DNAAF10: variants seen among roughly 807,000 people sequenced by gnomAD.
DNAAF10 encodes the protein WD repeat domain 92.
In DNAAF10, 28 loss-of-function variants were observed where a neutral mutation model predicts 43.7. The observed-to-expected ratio is 0.64, with a 90% confidence interval of 0.48 to 0.88. The LOEUF (loss-of-function observed/expected upper bound fraction) is 0.88, where lower values mean the gene tolerates loss of function less well. DNAAF10 is among the 40% of genes least tolerant of loss of function. DNAAF10 has a pLI of 0.00. For synonymous variants in DNAAF10, 156 were observed against 157.3 expected, an observed-to-expected ratio of 0.99 and a Z score of 0.06; for missense variants, 403 against 439.1, an observed-to-expected ratio of 0.92 and a Z score of 0.73.
chr2:68,153,692 A>C (rs929887183), intron 1 of DNAAF10, among the ~76,000 whole-genome samples: 1 of 151,638 alleles, frequency 6.6e-6, no homozygotes, highest in Non-Finnish European at 1.5e-5. Flanking sequence ...CCAGTATTTA[A>C]CCTATATTTA....
At chr2:68,155,701 A>G (rs1673582089) in intron 1 of DNAAF10, among the ~76,000 whole-genome samples, 1 of 152,030 alleles carries the variant, frequency 6.6e-6, no homozygotes, top group Non-Finnish European at 1.5e-5. Flanking sequence ...AACAACAACA[A>G]CAAAAAACAA....
intron 1 of DNAAF10, 50 bp downstream of exon 1, chr2:68,157,211 G>A (rs1384276404): frequency 1.9e-6 from 3 of 1,573,730 alleles, no homozygotes; most frequent in East Asian, 2.2e-5. Context: ...CAGACCCCAG[G>A]ATCCGCACTC....
intron 4 of DNAAF10, among the ~76,000 whole-genome samples, chr2:68,141,348 C>T (rs998097748): frequency 9.2e-5 from 14 of 152,170 alleles, no homozygotes; most frequent in African/African-American, 2.7e-4. Flanking sequence ...TAAACAGGAA[C>T]ACATAATAAT....
rs746998972 is a variant in DNAAF10, at chr2:68,147,558, C to A, written c.193G>T (p.Ala65Ser). 3.1e-6 allele frequency: 5 copies of A among 1,608,756 alleles called. No homozygotes were observed. In the South Asian group the frequency reaches 4.4e-5, roughly 14 times the overall value. ...DLKLLREIEK[A>S]KPIKCGTFGA... The stretch of plus-strand genomic sequence containing the variant: ...AATGTTCCACATTTAATAGGTTTGG[C>A]CTTTTCAATCTTCATAGAAGGGAGG... Residue 65 changes from alanine to serine, a missense_variant, in exon 2 of 8, where the codon GCC becomes TCC. Ala to Ser is a moderately conservative substitution (Grantham distance 99). Coordinates refer to ENST00000295121, the MANE Select transcript of DNAAF10 (RefSeq NM_138458.4).
At chr2:68,151,508 T>G (rs1009192932) in intron 1 of DNAAF10, among the ~76,000 whole-genome samples, 6 of 152,186 alleles carry the variant, frequency 3.9e-5, no homozygotes, top group African/African-American at 1.4e-4. Context: ...CAAAATTATT[T>G]TATTCATGCA....
At chr2:68,151,324 C>G (rs1320321814) in intron 1 of DNAAF10, among the ~76,000 whole-genome samples, 1 of 152,158 alleles carries the variant, frequency 6.6e-6, no homozygotes, top group Non-Finnish European at 1.5e-5. Flanking sequence ...TTTGAATTTG[C>G]TGTTCCCACT....
In DNAAF10 at chr2:68,146,519, C is replaced by T. The variant is rs532403536; in HGVS notation, c.284+948G>A. ...ATGGTACTATCTAATATTTTGAATA[C>T]TCTTGTGTTGAAATATATTTATTTT... On this transcript the variant is annotated intron_variant, in intron 2 of 7. Transcript: ENST00000295121. 1.6e-3 allele frequency among the ~76,000 whole-genome samples: 239 copies of T among 152,234 alleles called. 2 individuals carry two copies. Among genetic ancestry groups the T allele is most frequent in the Non-Finnish European group, 2.9e-3 (194 of 67,996 alleles).
Position 68,141,784 on chromosome 2 carries a change from C to G in DNAAF10, c.427G>C (p.Val143Leu). The G allele has an allele frequency of 6.2e-7, 1 of 1,614,126 alleles. No homozygotes were observed. The highest frequency in any genetic ancestry group is 2.2e-5 in the East Asian group (1 of 44,890). The change falls in exon 4 of 8, where the codon GTG becomes CTG. Residue 143 changes from valine (V) to leucine (L), a missense_variant. Val to Leu is a conservative substitution (Grantham distance 32). Coordinates refer to ENST00000295121, the MANE Select transcript of DNAAF10 (RefSeq NM_138458.4). ...VTGSRDGTVK[V>L]WDPRQKDDPV... ...TCATCTTTTTGCCTTGGGTCCCACA[C>G]CTTCACAGTTCCTGCCATGCATAAA... is the stretch of plus-strand genomic sequence containing the variant.
At chr2:68,157,064 G>C (rs917045206) in intron 1 of DNAAF10, 197 bp downstream of exon 1, 135 of 773,084 alleles carry the variant, frequency 1.7e-4, no homozygotes, top group Non-Finnish European at 3.2e-5. Flanking sequence ...GGTTGGGCGC[G>C]GAGGAACTAC....
In DNAAF10 at chr2:68,131,140, G is replaced by T; in HGVS notation, c.*98C>A. 2.5e-6 allele frequency: 3 copies of T among 1,203,882 alleles called. No homozygotes were observed. Among genetic ancestry groups the T allele is most frequent in the African/African-American group, 1.5e-5 (1 of 66,090 alleles). 74.6% of individuals were successfully genotyped at this position (1,203,882 alleles called of 1,614,324 possible). On this transcript the variant is annotated 3_prime_UTR_variant, in exon 8 of 8. Coordinates refer to ENST00000295121, the MANE Select transcript of DNAAF10 (RefSeq NM_138458.4). ...TCACCATGTTAGCCAGGATGGTCTC[G>T]ATCTCCTGACCTTCTGATCCACCCG...
chr2:68,155,610 T>C (rs1673577685), intron 1 of DNAAF10, among the ~76,000 whole-genome samples: 1 of 152,118 alleles, frequency 6.6e-6, no homozygotes, highest in Admixed American at 6.5e-5. Context: ...GGAGGATGGT[T>C]TGAGCCCAGG....
chr2:68,134,508 G>T, intron 7 of DNAAF10, 194 bp downstream of exon 7: 1 of 1,410,640 alleles, frequency 7.1e-7, no homozygotes, highest in African/African-American at 1.5e-5. Flanking sequence ...AAGAAGATTA[G>T]TGTACACTCT....
At chr2:68,131,639 T>C (rs1416522801) in intron 7 of DNAAF10, 194 bp from the exon 8 acceptor site, 1 of 575,950 alleles carries the variant, frequency 1.7e-6, no homozygotes, top group Non-Finnish European at 3.0e-6. Context: ...AAACACGTCA[T>C]AAAAAAGGGT....
chr2:68,136,800 CA>C, intron 6 of DNAAF10, among the ~76,000 whole-genome samples: 1 of 152,120 alleles, frequency 6.6e-6, no homozygotes, highest in Non-Finnish European at 1.5e-5. Flanking sequence ...TCAGCTACCT[CA>C]AATGCAAGGC....
chr2:68,130,259 T>C lies in DNAAF10; in HGVS notation c.*979A>G, dbSNP rs1672902274. 2.0e-5 allele frequency: 3 copies of C among 151,178 alleles called. No homozygotes were observed. The highest frequency in any genetic ancestry group is 3.0e-5 in the Non-Finnish European group (2 of 67,676). The allele number at this position is 151,178 out of a possible 1,614,324, so 9.4% of individuals were successfully genotyped here. On this transcript the variant is annotated 3_prime_UTR_variant, in exon 8 of 8. Transcript: ENST00000295121. ...GATTCTCCTGCCTCAGCCTCCCAAG[T>C]AGCTGTGATTACAGGCGCCCGCCAC...
At chr2:68,141,137 T>C (rs1415123143) in intron 4 of DNAAF10, among the ~76,000 whole-genome samples, 1 of 152,230 alleles carries the variant, frequency 6.6e-6, no homozygotes, top group Non-Finnish European at 1.5e-5. Context: ...AAAGTCAATA[T>C]TCATTTTAAG....
intron 7 of DNAAF10, chr2:68,134,108 T>TTTTTG (rs1041140267): frequency 4.1e-6 from 4 of 979,668 alleles, no homozygotes; most frequent in South Asian, 4.7e-5. Context: ...AGACCTTTAA[T>TTTTTG]TTTTGTTTTG....
intron 1 of DNAAF10, among the ~76,000 whole-genome samples, chr2:68,154,004 C>T (rs4671875): frequency 0.038 from 5,779 of 151,856 alleles, 331 homozygotes; most frequent in African/African-American, 0.13. Context: ...CCCCCCGCCT[C>T]GGCCTCTCAA....
In DNAAF10 at chr2:68,154,408, G is replaced by A. The variant is rs113772020; in HGVS notation, c.183+2853C>T. ...ACTACAGGCGCCCGCCACCACGCCC[G>A]GCTGATTTTTTGTATTTTTAGTAGA... is the stretch of plus-strand genomic sequence containing the variant. On this transcript the variant is annotated intron_variant, in intron 1 of 7. Coordinates refer to ENST00000295121, the MANE Select transcript of DNAAF10 (RefSeq NM_138458.4). Among the ~76,000 whole-genome samples, 86 of 151,630 alleles carry A rather than the reference G, an allele frequency of 5.7e-4. 1 individual carries two copies. Among genetic ancestry groups the A allele is most frequent in the African/African-American group, 1.9e-3 (78 of 41,368 alleles).
Sources: allele counts gnomAD v4.1 joint callset (sites outside exome capture counted in the v4.1 genomes callset), GRCh38; gene constraint gnomAD v4.1.1; transcripts MANE v1.5; gene names NCBI Gene and HGNC (gene_info 2026-07-23, HGNC 2026-07-21).